The following DSE variants were observed in gnomAD, a reference collection of about 807,000 sequenced individuals.
DSE encodes dermatan sulfate epimerase, also known as dermatan-sulfate epimerase.
Under a neutral mutation model 84.4 loss-of-function variants are expected in DSE, and 36 were observed. The observed-to-expected ratio is 0.43, with a 90% confidence interval of 0.33 to 0.56. The LOEUF (loss-of-function observed/expected upper bound fraction) is 0.56. DSE is among the 20% of genes least tolerant of loss of function. The pLI is 0.06. For missense variants in DSE, 862 were observed against 1,169.6 expected, an observed-to-expected ratio of 0.74 and a Z score of 3.84; for synonymous variants, 410 against 430.1, an observed-to-expected ratio of 0.95 and a Z score of 0.58.
At chr6:116,380,511 G>C (rs1354400135) in intron 1 of DSE, among the ~76,000 whole-genome samples, 1 of 152,108 alleles carries the variant, frequency 6.6e-6, no homozygotes, top group East Asian at 1.9e-4. Context: ...ACTACAAGCA[G>C]ATCAGCCAGC....
intron 2 of DSE, among the ~76,000 whole-genome samples, chr6:116,317,526 A>G (rs1277800026): frequency 3.9e-5 from 6 of 152,228 alleles, no homozygotes; most frequent in African/African-American, 1.4e-4. Flanking sequence ...ATTTTTAGTA[A>G]GGATGCTTAG....
At chr6:116,374,944 AT>A (rs1779830211) in intron 1 of DSE, among the ~76,000 whole-genome samples, 1 of 152,238 alleles carries the variant, frequency 6.6e-6, no homozygotes, top group Non-Finnish European at 1.5e-5. Flanking sequence ...TATTCAAACC[AT>A]AGCAAATATG....
intron 2 of DSE, among the ~76,000 whole-genome samples, chr6:116,281,790 A>G (rs1048419576): frequency 2.0e-5 from 3 of 152,218 alleles, no homozygotes; most frequent in African/African-American, 7.2e-5. Context: ...CTTGCTTGCA[A>G]CTTGCTCCTT....
Position 116,426,735 on chromosome 6 carries a change from A to C in DSE, c.578A>C (p.Tyr193Ser), listed in dbSNP as rs1347873669. The C allele has an allele frequency of 1.2e-6, 2 of 1,614,084 alleles. No individual in the cohort carries two copies. Among genetic ancestry groups the C allele is most frequent in the Non-Finnish European group, 1.7e-6 (2 of 1,180,036 alleles). The change falls in exon 3 of 6, where the codon TAC becomes TCC. Residue 193 changes from tyrosine to serine, a missense_variant. Coordinates refer to ENST00000644252, the MANE Select transcript of DSE (RefSeq NM_013352.4). The part of the protein sequence containing the change: ...NASGYMYETS[Y>S]RRGWGFQYLH... ...TCAGGGTATATGTATGAAACTTCATACAGGAGAGGATGGGGATTTCAATAC... is the reference window on the plus strand; with the variant it reads ...TCAGGGTATATGTATGAAACTTCATCCAGGAGAGGATGGGGATTTCAATAC...
intron 2 of DSE, among the ~76,000 whole-genome samples, chr6:116,286,474 A>T (rs1449351756): frequency 1.3e-5 from 2 of 152,174 alleles, no homozygotes; most frequent in East Asian, 3.8e-4. Context: ...CCCCAAATTC[A>T]GTATTTTCTC....
intron 2 of DSE, among the ~76,000 whole-genome samples, chr6:116,338,411 A>G (rs746113909): frequency 9.3e-5 from 14 of 150,742 alleles, no homozygotes; most frequent in Non-Finnish European, 1.8e-4. Context: ...TTTAGTAGAG[A>G]CGGGGTTTCA....
chr6:116,391,881 C>T (rs1232025051), intron 1 of DSE, among the ~76,000 whole-genome samples: 3 of 151,762 alleles, frequency 2.0e-5, no homozygotes, highest in African/African-American at 7.3e-5. Flanking sequence ...AGTACCAAAG[C>T]CATAGGTTTT....
At chr6:116,331,207 A>C (rs1011691212) in intron 2 of DSE, among the ~76,000 whole-genome samples, 4 of 152,176 alleles carry the variant, frequency 2.6e-5, no homozygotes, top group Non-Finnish European at 5.9e-5. Context: ...GATCAGGAAT[A>C]AGATAATAGT....
intron 2 of DSE, chr6:116,278,915 T>C: frequency 1.2e-6 from 2 of 1,614,116 alleles, no homozygotes; most frequent in Non-Finnish European, 1.7e-6. Flanking sequence ...ACCTCTAAAT[T>C]GGTTATGTAC....
chr6:116,337,671 T>G (rs945944524), intron 2 of DSE, among the ~76,000 whole-genome samples: 2 of 152,116 alleles, frequency 1.3e-5, no homozygotes, highest in Admixed American at 1.3e-4. Context: ...GCGGCATTAA[T>G]CCAGATAAAT....
intron 2 of DSE, among the ~76,000 whole-genome samples, chr6:116,328,181 A>C (rs562864423): frequency 3.2e-4 from 48 of 152,250 alleles, no homozygotes; most frequent in Non-Finnish European, 6.3e-4. Flanking sequence ...TTTGTCAATG[A>C]AACATAGAAA....
chr6:116,404,153 G>A (rs574923138), intron 2 of DSE, among the ~76,000 whole-genome samples: 1 of 152,278 alleles, frequency 6.6e-6, no homozygotes, highest in East Asian at 1.9e-4. Context: ...GGGTTGCTAT[G>A]AGCTTAACAT....
Position 116,371,050 on chromosome 6 carries a change from G to A in DSE, c.-125G>A. 1 of 985,952 alleles carries A rather than the reference G, an allele frequency of 1.0e-6. No individual in the cohort carries two copies. Among genetic ancestry groups the A allele is most frequent in the Non-Finnish European group, 1.2e-6 (1 of 830,402 alleles). 61.1% of individuals were successfully genotyped at this position (985,952 alleles called of 1,614,324 possible). A position where few individuals can be genotyped will look rare whatever the true frequency, so the allele number is the denominator to read the frequency against. On this transcript the variant is annotated 5_prime_UTR_variant, in exon 1 of 6. The change abolishes the stop of an existing upstream ORF in the 5' untranslated region. Coordinates refer to ENST00000644252, the MANE Select transcript of DSE (RefSeq NM_013352.4). ...GCCGGGAGCCCGGGCGCCCTGGAGT[G>A]AGGAGGACCGGGAGCTGGCTCTGGA...
intron 2 of DSE, chr6:116,277,883 CAG>C (rs1261591265): frequency 8.7e-6 from 1 of 115,562 alleles, no homozygotes; most frequent in Non-Finnish European, 1.6e-5. Context: ...ACCTGGGCGA[CAG>C]AGCAAGACTC....
intron 2 of DSE, among the ~76,000 whole-genome samples, chr6:116,302,257 A>G (rs373752937): frequency 7.9e-5 from 12 of 152,302 alleles, no homozygotes; most frequent in African/African-American, 2.9e-4. Context: ...CACCAACAGT[A>G]TAAAAGTATT....
chr6:116,431,797 A>G (rs1783857838), intron 4 of DSE, among the ~76,000 whole-genome samples: 1 of 152,164 alleles, frequency 6.6e-6, no homozygotes, highest in South Asian at 2.1e-4. Flanking sequence ...AAAAATATAT[A>G]CATGATTTAA....
intron 2 of DSE, among the ~76,000 whole-genome samples, chr6:116,358,208 G>T (rs1194592845): frequency 7.2e-5 from 11 of 151,990 alleles, no homozygotes; most frequent in African/African-American, 2.4e-4. Context: ...TGATTTTTTT[G>T]TTTGTTTGTT....
At chr6:116,257,153 G>A (rs1772174428) in intron 1 of DSE, 2 of 152,120 alleles carry the variant, frequency 1.3e-5, no homozygotes, top group East Asian at 3.9e-4. Context: ...TCATTATTTA[G>A]TGTTTTCTAT....
At chr6:116,333,622 G>T (rs1339173498) in intron 2 of DSE, among the ~76,000 whole-genome samples, 5 of 152,140 alleles carry the variant, frequency 3.3e-5, no homozygotes, top group Non-Finnish European at 7.3e-5. Context: ...GATGAGAAAA[G>T]TGAGGCTTCA....
Sources: allele counts gnomAD v4.1 joint callset (sites outside exome capture counted in the v4.1 genomes callset), GRCh38; gene constraint gnomAD v4.1.1; transcripts MANE v1.5; gene names NCBI Gene and HGNC (gene_info 2026-07-23, HGNC 2026-07-21).